Variants in CPNE4 observed in about 807,000 individuals in gnomAD.
The protein encoded by CPNE4 is copine-4.
In CPNE4, 25 loss-of-function variants were observed where a neutral mutation model predicts 67.9. The observed-to-expected ratio is 0.37, with a 90% CI of 0.27 to 0.51. The LOEUF is 0.51. CPNE4 is among the 20% of genes least tolerant of loss of function. The pLI is 0.93. For synonymous variants in CPNE4, 242 were observed against 244.9 expected, an observed-to-expected ratio of 0.99 and a Z score of 0.11; for missense variants, 464 against 690.8, an observed-to-expected ratio of 0.67 and a Z score of 3.68.
At chr3:131,883,279 A>G (rs977825980) in intron 2 of CPNE4, among the ~76,000 whole-genome samples, 7 of 152,146 alleles carry the variant, frequency 4.6e-5, no homozygotes, top group African/African-American at 1.7e-4. Context: ...AGTGTTACCC[A>G]TCATCATTCA....
chr3:131,560,223 G>C (rs764341450), intron 11 of CPNE4, among the ~76,000 whole-genome samples: 1 of 151,972 alleles, frequency 6.6e-6, no homozygotes, highest in Non-Finnish European at 1.5e-5. Context: ...CAAGGGAAGC[G>C]ATACATCTTC....
intron 1 of CPNE4, among the ~76,000 whole-genome samples, chr3:131,948,879 T>C (rs2071637771): frequency 6.6e-6 from 1 of 152,036 alleles, no homozygotes; most frequent in Admixed American, 6.6e-5. Context: ...CACACAAAAA[T>C]AAATAGGCCA....
intron 2 of CPNE4, among the ~76,000 whole-genome samples, chr3:131,788,893 G>T (rs1407328304): frequency 6.6e-6 from 1 of 151,846 alleles, no homozygotes; most frequent in Non-Finnish European, 1.5e-5. Flanking sequence ...TATTAGCAAT[G>T]ATTATGTCGG....
intron 2 of CPNE4, among the ~76,000 whole-genome samples, chr3:131,764,377 G>C (rs559950765): frequency 1.2e-4 from 18 of 151,948 alleles, no homozygotes; most frequent in African/African-American, 4.1e-4. Context: ...ATCTTTACCT[G>C]CTTCTGAAAT....
At chr3:131,906,483 C>CTA (rs1253911319) in intron 1 of CPNE4, among the ~76,000 whole-genome samples, 1 of 148,324 alleles carries the variant, frequency 6.7e-6, no homozygotes, top group African/African-American at 2.5e-5. Context: ...CAGTTCCCAC[C>CTA]TGAGTGAGAA....
chr3:131,921,964 G>A lies in CPNE4; in HGVS notation c.-1-16520C>T, dbSNP rs188633296. 1.2e-3 allele frequency among the ~76,000 whole-genome samples: 187 copies of A among 152,228 alleles called. 2 individuals carry two copies. Among genetic ancestry groups the A allele is most frequent in the Admixed American group, 1.5e-3 (23 of 15,294 alleles). On this transcript the variant is annotated intron_variant, in intron 1 of 15. Coordinates refer to ENST00000429747, the MANE Select transcript of CPNE4 (RefSeq NM_130808.3). ...TTTATTTTAGATTCAGGGGGCACAT[G>A]TGCAGGTCTGTTACCGGGGCATATT...
At chr3:131,948,066 T>A (rs1440452161) in intron 1 of CPNE4, among the ~76,000 whole-genome samples, 1 of 152,206 alleles carries the variant, frequency 6.6e-6, no homozygotes, top group Non-Finnish European at 1.5e-5. Flanking sequence ...CTTTCAGCAA[T>A]GTTTTATTGT....
chr3:131,621,561 TA>T (rs1484255266), intron 7 of CPNE4, among the ~76,000 whole-genome samples: 1 of 152,132 alleles, frequency 6.6e-6, no homozygotes, highest in African/African-American at 2.4e-5. Flanking sequence ...TTACTTCTCT[TA>T]ATGCTACCAT....
At chr3:131,774,213 C>G (rs542764682) in intron 2 of CPNE4, among the ~76,000 whole-genome samples, 1 of 152,068 alleles carries the variant, frequency 6.6e-6, no homozygotes, top group African/African-American at 2.4e-5. Context: ...AGTTAAAACC[C>G]CAAATGGCCT....
intron 7 of CPNE4, among the ~76,000 whole-genome samples, chr3:131,639,153 A>G (rs2079473247): frequency 6.6e-6 from 1 of 152,132 alleles, no homozygotes; most frequent in South Asian, 2.1e-4. Flanking sequence ...GATAATAAAT[A>G]AGGAAGATCA....
intron 3 of CPNE4, among the ~76,000 whole-genome samples, chr3:131,722,137 T>C (rs2081903496): frequency 1.3e-5 from 2 of 152,200 alleles, no homozygotes; most frequent in Non-Finnish European, 2.9e-5. Context: ...ATAAGTGGCA[T>C]GAAGCAAGGT....
At chr3:131,792,925 G>GTGTATATA (rs58502463) in intron 2 of CPNE4, among the ~76,000 whole-genome samples, 17,992 of 134,562 alleles carry the variant, frequency 0.13, 1,487 homozygotes, top group East Asian at 0.25. Flanking sequence ...GTGTGTGTGT[G>GTGTATATA]TATCTCCAAC....
intron 1 of CPNE4, among the ~76,000 whole-genome samples, chr3:131,937,123 T>C (rs1366975611): frequency 6.6e-6 from 1 of 152,048 alleles, no homozygotes; most frequent in Non-Finnish European, 1.5e-5. Flanking sequence ...AACAGAATAA[T>C]TAAAAACATA....
intron 1 of CPNE4, among the ~76,000 whole-genome samples, chr3:131,944,732 C>G (rs1041955405): frequency 3.0e-5 from 4 of 131,516 alleles, no homozygotes; most frequent in African/African-American, 1.0e-4. Context: ...TTTTTTACTC[C>G]TAAGATACTG....
At chr3:131,834,116 T>C (rs2085472551) in intron 2 of CPNE4, among the ~76,000 whole-genome samples, 1 of 152,240 alleles carries the variant, frequency 6.6e-6, no homozygotes, top group Non-Finnish European at 1.5e-5. Context: ...AATAAATATT[T>C]ATATGTTTCT....
chr3:131,601,999 C>A (rs1309487502), intron 7 of CPNE4, among the ~76,000 whole-genome samples: 4 of 152,074 alleles, frequency 2.6e-5, no homozygotes. Flanking sequence ...TTGGAGGAAC[C>A]ACAATAAAAA....
At chr3:131,761,210 CTTTTTTTTTTT>C (rs151161125) in intron 2 of CPNE4, among the ~76,000 whole-genome samples, 1 of 119,478 alleles carries the variant, frequency 8.4e-6, no homozygotes, top group African/African-American at 3.2e-5. Flanking sequence ...TCACTTCGTA[CTTTTTTTTTTT>C]TTTTTTTTTT....
intron 7 of CPNE4, among the ~76,000 whole-genome samples, chr3:131,665,334 G>A (rs987253093): frequency 4.6e-5 from 7 of 152,148 alleles, no homozygotes; most frequent in South Asian, 2.1e-4. Context: ...AAAGGGGTAA[G>A]GATAAAAACT....
chr3:131,960,114 A>T (rs114058165), intron 1 of CPNE4, among the ~76,000 whole-genome samples: 3,591 of 97,414 alleles, frequency 0.037, 137 homozygotes, highest in African/African-American at 0.13. Context: ...GAAAGCAGAG[A>T]AAGAGTGGAG....
Sources: allele counts gnomAD v4.1 joint callset (sites outside exome capture counted in the v4.1 genomes callset), GRCh38; gene constraint gnomAD v4.1.1; transcripts MANE v1.5; gene names NCBI Gene and HGNC (gene_info 2026-07-23, HGNC 2026-07-21).